The following C1GALT1 variants were observed in gnomAD, a reference collection of about 807,000 sequenced individuals.
C1GALT1 encodes glycoprotein-N-acetylgalactosamine 3-beta-galactosyltransferase 1.
C1GALT1 carries 11 observed loss-of-function variants against 31.0 expected under a neutral mutation model. That is an observed-to-expected ratio of 0.36 (90% CI 0.22 to 0.59). The LOEUF (loss-of-function observed/expected upper bound fraction) is 0.59. C1GALT1 is among the 20% of genes least tolerant of loss of function. C1GALT1 has a pLI of 0.79. For synonymous variants in C1GALT1, 175 were observed against 143.6 expected, an observed-to-expected ratio of 1.22 and a Z score of -1.56; for missense variants, 424 against 425.2, an observed-to-expected ratio of 1.00 and a Z score of 0.03.
intron 3 of C1GALT1, among the ~76,000 whole-genome samples, chr7:7,240,575 C>T (rs992216470): frequency 3.3e-5 from 5 of 152,168 alleles, no homozygotes; most frequent in South Asian, 2.1e-4. Context: ...GTAGCAAATA[C>T]ATCCAAATGC....
chr7:7,229,271 A>G (rs983936664), intron 1 of C1GALT1, among the ~76,000 whole-genome samples: 1 of 152,164 alleles, frequency 6.6e-6, no homozygotes, highest in Non-Finnish European at 1.5e-5. Flanking sequence ...CTAGGACAAA[A>G]AGCAATGGAA....
chr7:7,202,884 ATTC>A lies in C1GALT1; in HGVS notation c.-18+20067_-18+20069del, dbSNP rs549605672. Among the ~76,000 whole-genome samples the A allele has an allele frequency of 2.2e-3, 330 of 152,226 alleles. 1 individual carries two copies. Among genetic ancestry groups the A allele is most frequent in the African/African-American group, 7.5e-3 (313 of 41,564 alleles). ...GTAATGTCTTTCTAATTATTTATGT[ATTC>A]TTTAATTTCTTAAAGCAGTGTTTTG... On this transcript the variant is annotated intron_variant, in intron 1 of 3. Transcript: ENST00000436587.
In C1GALT1 at chr7:7,198,278, C is replaced by G. The variant is rs577555572; in HGVS notation, c.-18+15458C>G. On this transcript the variant is annotated intron_variant, in intron 1 of 3. Coordinates refer to ENST00000436587, the MANE Select transcript of C1GALT1 (RefSeq NM_020156.5). ...ATTTTGTCGAAGGCCTTTTCTGCAT[C>G]TATTGAGATAATCATGTGGTTTTTG... Among the ~76,000 whole-genome samples the G allele has an allele frequency of 5.3e-5, 8 of 152,284 alleles. No individual in the cohort carries two copies. The East Asian group carries it at 1.2e-3, about 22-fold the overall frequency.
intron 2 of C1GALT1, among the ~76,000 whole-genome samples, chr7:7,160,029 A>G (rs143213545): frequency 2.4e-4 from 36 of 152,280 alleles, no homozygotes; most frequent in Middle Eastern, 3.4e-3. Flanking sequence ...TCAAAGATCA[A>G]TGGCAGCAAC....
chr7:7,197,253 T>C (rs1483032040), intron 1 of C1GALT1, among the ~76,000 whole-genome samples: 6 of 151,344 alleles, frequency 4.0e-5, no homozygotes, highest in Non-Finnish European at 7.4e-5. Flanking sequence ...TTCAGCTTTC[T>C]ACATATGGCT....
intron 2 of C1GALT1, among the ~76,000 whole-genome samples, chr7:7,174,319 G>T (rs1392524717): frequency 2.6e-5 from 4 of 152,184 alleles, no homozygotes; most frequent in African/African-American, 9.7e-5. Flanking sequence ...TAATAAAGCT[G>T]CTGTAAACAT....
At chr7:7,227,806 C>T (rs1338104086) in intron 1 of C1GALT1, among the ~76,000 whole-genome samples, 2 of 152,210 alleles carry the variant, frequency 1.3e-5, no homozygotes, top group East Asian at 3.9e-4. Context: ...CTCTGTGCCA[C>T]CTCAAGACTC....
At position 7,243,554 on chromosome 7, in the gene C1GALT1, T is replaced by G; in HGVS notation, c.919T>G (p.Ser307Ala). The G allele has an allele frequency of 1.2e-6, 2 of 1,607,806 alleles. No homozygotes were observed. The highest frequency in any genetic ancestry group is 1.7e-6 in the Non-Finnish European group (2 of 1,178,196). Reference protein sequence around the residue: ...GPGCCSDLAVSFHYVDSTTMY... With the variant: ...GPGCCSDLAVAFHYVDSTTMY... ...TGGTTGCTGCTCTGATCTTGCAGTT[T>G]CTTTTCACTATGTTGATTCTACAAC... The change falls in exon 4 of 4, where the codon TCT becomes GCT. Residue 307 changes from serine (S) to alanine (A), a missense_variant. By Grantham distance (99) the Ser-to-Ala change is moderately conservative. Coordinates refer to ENST00000436587, the MANE Select transcript of C1GALT1 (RefSeq NM_020156.5).
rs79244897 is a variant in C1GALT1 at position 7,224,816 on chromosome 7, G to A, written c.-17-9487G>A. On this transcript the variant is annotated intron_variant, in intron 1 of 3. Transcript: ENST00000436587. Reference sequence around the variant, plus strand: ...GGGGTACATATACAGGTTTGTTACAGAGGTGAATTGTGTGTCATGGGGGTT... The same window carrying A: ...GGGGTACATATACAGGTTTGTTACAAAGGTGAATTGTGTGTCATGGGGGTT... 1.7e-3 allele frequency among the ~76,000 whole-genome samples: 265 copies of A among 152,220 alleles called. 1 individual carries two copies. The highest frequency in any genetic ancestry group is 6.0e-3 in the African/African-American group (251 of 41,540).
At chr7:7,200,975 C>T (rs1038434792) in intron 1 of C1GALT1, among the ~76,000 whole-genome samples, 9 of 151,970 alleles carry the variant, frequency 5.9e-5, no homozygotes, top group South Asian at 4.2e-4. Context: ...TTGTTATTAC[C>T]GATTGTCTGA....
intron 1 of C1GALT1, among the ~76,000 whole-genome samples, chr7:7,188,987 TTCTG>T (rs1318000673): frequency 1.3e-5 from 2 of 152,304 alleles, no homozygotes; most frequent in African/African-American, 2.4e-5. Context: ...ATTTACTCTT[TTCTG>T]TCTATGATTT....
chr7:7,244,203 A>AC lies in C1GALT1; in HGVS notation c.*482dup, dbSNP rs1305314145. The AC allele has an allele frequency of 6.6e-6, 1 of 152,366 alleles. No homozygotes were observed. The allele number at this position is 152,366 out of a possible 1,614,324, so 9.4% of individuals were successfully genotyped here. On this transcript the variant is annotated 3_prime_UTR_variant, in exon 4 of 4. Transcript: ENST00000436587. ...ATATTTGCAGTATGCTATAAATGAT[A>AC]CCCCCCTACCACACCCACACACACA...
chr7:7,187,850 C>G (rs1194619039), intron 1 of C1GALT1, among the ~76,000 whole-genome samples: 1 of 152,092 alleles, frequency 6.6e-6, no homozygotes, highest in African/African-American at 2.4e-5. Context: ...TAGCAAAAGA[C>G]GAGGCTGGAA....
intron 2 of C1GALT1, among the ~76,000 whole-genome samples, chr7:7,175,826 T>A (rs1780500954): frequency 6.6e-6 from 1 of 152,130 alleles, no homozygotes; most frequent in Non-Finnish European, 1.5e-5. Context: ...TTCTGGTTTA[T>A]AGATGATAGG....
intron 1 of C1GALT1, among the ~76,000 whole-genome samples, chr7:7,227,490 G>A (rs565632143): frequency 6.6e-6 from 1 of 152,262 alleles, no homozygotes; most frequent in South Asian, 2.1e-4. Context: ...GGAGGCCGAG[G>A]CGGGCGGATC....
intron 1 of C1GALT1, among the ~76,000 whole-genome samples, chr7:7,183,085 C>T (rs963011626): frequency 6.6e-6 from 1 of 152,178 alleles, no homozygotes; most frequent in African/African-American, 2.4e-5. Flanking sequence ...GTACCCTCCT[C>T]TTCGTCGTGG....
In C1GALT1 at chr7:7,243,795, G is replaced by C; in HGVS notation, c.*68G>C. The stretch of plus-strand genomic sequence containing the variant: ...ACTGAAAAAGGACTTCTGCATTTCT[G>C]ACATAGAACACTGGAATCCCAGTGA... On this transcript the variant is annotated 3_prime_UTR_variant, in exon 4 of 4. Transcript: ENST00000436587. 2 of 1,155,658 alleles carry C rather than the reference G, an allele frequency of 1.7e-6. No homozygotes were observed. Among genetic ancestry groups the C allele is most frequent in the South Asian group, 3.1e-5 (2 of 63,552 alleles). The allele number at this position is 1,155,658 out of a possible 1,614,324, so 71.6% of individuals were successfully genotyped here.
At chr7:7,230,947 A>T (rs1783047114) in intron 1 of C1GALT1, among the ~76,000 whole-genome samples, 1 of 152,148 alleles carries the variant, frequency 6.6e-6, no homozygotes, top group Non-Finnish European at 1.5e-5. Flanking sequence ...ATTTGGATTT[A>T]CTTACATACA....
intron 1 of C1GALT1, among the ~76,000 whole-genome samples, chr7:7,198,950 G>A (rs144219304): frequency 2.6e-5 from 4 of 151,820 alleles, no homozygotes; most frequent in East Asian, 1.9e-4. Flanking sequence ...TCTTGCTAGC[G>A]GTCTATCCAT....
Sources: allele counts gnomAD v4.1 joint callset (sites outside exome capture counted in the v4.1 genomes callset), GRCh38; gene constraint gnomAD v4.1.1; transcripts MANE v1.5; gene names NCBI Gene and HGNC (gene_info 2026-07-23, HGNC 2026-07-21).